PCDHGA10: variants seen among roughly 807,000 people sequenced by gnomAD.
The protein encoded by PCDHGA10 is protocadherin gamma-A10.
In PCDHGA10, 42 loss-of-function variants were observed where a neutral mutation model predicts 59.5. The ratio of observed to expected loss-of-function variants is 0.71; its 90% CI spans 0.55 to 0.91. PCDHGA10 has a LOEUF of 0.91. PCDHGA10 is among the 40% of genes least tolerant of loss of function. The pLI is 0.00. For missense variants in PCDHGA10, 1,111 were observed against 1,198.2 expected (o/e 0.93, Z 1.07); for synonymous variants, 511 against 517.2 (o/e 0.99, Z 0.16).
chr5:141,445,272 T>C (rs1057201147), intron 1 of PCDHGA10, among the ~76,000 whole-genome samples: 1 of 152,236 alleles, frequency 6.6e-6, no homozygotes, highest in Non-Finnish European at 1.5e-5. Flanking sequence ...TCGAAACCAC[T>C]CTGCATAAGT....
At chr5:141,474,398 C>A (rs1381347745) in intron 1 of PCDHGA10, among the ~76,000 whole-genome samples, 3 of 152,212 alleles carry the variant, frequency 2.0e-5, no homozygotes, top group Non-Finnish European at 4.4e-5. Context: ...TTCTAACAAG[C>A]TCCCCGGTGA....
chr5:141,433,508 A>G (rs2097615565), intron 1 of PCDHGA10, among the ~76,000 whole-genome samples: 1 of 152,068 alleles, frequency 6.6e-6, no homozygotes, highest in Non-Finnish European at 1.5e-5. Context: ...TGCTGGGATT[A>G]CAGGCGTGAA....
In PCDHGA10 at chr5:141,491,357, T is replaced by C; in HGVS notation, c.2437-3450T>C. 6.2e-7 allele frequency: 1 copy of C among 1,614,144 alleles called. No homozygotes were observed. Among genetic ancestry groups the C allele is most frequent in the South Asian group, 1.1e-5 (1 of 91,080 alleles). On this transcript the variant is annotated intron_variant, in intron 1 of 3. Transcript: ENST00000398610. This position sits in a 1 kb window ranked among gnomAD's most constrained non-coding sequence, Gnocchi z 6.9. ...CTAGCGACCGTCAGTCTCTTATCCCTAGTCACCTTCACCTTTCTGTCAGCG... is the reference window on the plus strand; with the variant it reads ...CTAGCGACCGTCAGTCTCTTATCCCCAGTCACCTTCACCTTTCTGTCAGCG...
At chr5:141,462,020 T>G (rs1371390043) in intron 1 of PCDHGA10, among the ~76,000 whole-genome samples, 6 of 152,110 alleles carry the variant, frequency 3.9e-5, no homozygotes, top group Non-Finnish European at 8.8e-5. Flanking sequence ...ACGGGGTTTC[T>G]TCATGTTGGT....
At chr5:141,425,606 G>A (rs1419859039) in intron 1 of PCDHGA10, among the ~76,000 whole-genome samples, 1 of 152,156 alleles carries the variant, frequency 6.6e-6, no homozygotes, top group Non-Finnish European at 1.5e-5. Context: ...GCCCTATATA[G>A]CTTTCAGTGC....
chr5:141,414,965 C>T lies in PCDHGA10; in HGVS notation c.1790C>T (p.Ala597Val), dbSNP rs564450666. Residue 597 changes from alanine (A) to valine (V), a missense_variant, in exon 1 of 4, where the codon GCG becomes GTG. Coordinates refer to ENST00000398610, the MANE Select transcript of PCDHGA10 (RefSeq NM_018913.3). ...EPGYLVTKVV[A>V]VDRDSGQNAW... is the part of the protein sequence containing the mutation. ...GGCTACCTGGTGACCAAGGTGGTGG[C>T]GGTGGACAGAGACTCCGGCCAGAAC... The T allele has an allele frequency of 7.9e-5, 127 of 1,613,962 alleles. No homozygotes were observed. The highest frequency in any genetic ancestry group is 7.7e-5 in the Non-Finnish European group (91 of 1,180,046).
Position 141,477,827 on chromosome 5 carries a change from C to T in PCDHGA10, c.2437-16980C>T, listed in dbSNP as rs2099419143. On this transcript the variant is annotated intron_variant, in intron 1 of 3. Coordinates refer to ENST00000398610, the MANE Select transcript of PCDHGA10 (RefSeq NM_018913.3). The surrounding 1 kb of genome is among the most constrained non-coding windows in gnomAD (Gnocchi z 4.9). ...CAATGCCCCCCAGGTCCTATATCCT[C>T]GGCCAGGTGGGAGCTCGGTGGAGAT... The T allele has an allele frequency of 1.2e-6, 2 of 1,614,038 alleles. No individual in the cohort carries two copies. Among genetic ancestry groups the T allele is most frequent in the African/African-American group, 1.3e-5 (1 of 74,928 alleles).
Position 141,489,427 on chromosome 5 carries a change from C to A in PCDHGA10, c.2437-5380C>A. ...AAAGATGACAGATCTGTTGAGCCGG[C>A]GGCTGCAATTGGGCTCTGAGGAGAA... On this transcript the variant is annotated intron_variant, in intron 1 of 3. Coordinates refer to ENST00000398610, the MANE Select transcript of PCDHGA10 (RefSeq NM_018913.3). This position sits in a 1 kb window ranked among gnomAD's most constrained non-coding sequence, Gnocchi z 4.5. The A allele has an allele frequency of 6.2e-7, 1 of 1,614,108 alleles. No individual in the cohort carries two copies. The highest frequency in any genetic ancestry group is 1.1e-5 in the South Asian group (1 of 91,086).
Position 141,491,676 on chromosome 5 carries a change from T to C in PCDHGA10, c.2437-3131T>C. On this transcript the variant is annotated intron_variant, in intron 1 of 3. Coordinates refer to ENST00000398610, the MANE Select transcript of PCDHGA10 (RefSeq NM_018913.3). The surrounding 1 kb of genome is among the most constrained non-coding windows in gnomAD (Gnocchi z 6.9). ...AGCCTGACGCCATCCGGTCCCGCTC[T>C]AATACGCTGCGGGAGCGGAGCCAGG... 3.1e-6 allele frequency: 5 copies of C among 1,613,546 alleles called. No individual in the cohort carries two copies. Among genetic ancestry groups the C allele is most frequent in the Non-Finnish European group, 4.2e-6 (5 of 1,179,848 alleles).
At chr5:141,418,147 C>A (rs781655205) in intron 1 of PCDHGA10, 3 of 1,614,040 alleles carry the variant, frequency 1.9e-6, no homozygotes, top group Non-Finnish European at 2.5e-6. Flanking sequence ...AGCAAATATG[C>A]AAAGAGAGAA....
At chr5:141,423,852 G>T (rs796757517) in intron 1 of PCDHGA10, 36 of 1,279,400 alleles carry the variant, frequency 2.8e-5, no homozygotes, top group Non-Finnish European at 3.5e-5. Context: ...CTTTCAGAAC[G>T]TTTTTGTGAA....
intron 2 of PCDHGA10, among the ~76,000 whole-genome samples, chr5:141,498,338 G>T (rs2237079): frequency 2.6e-5 from 4 of 151,600 alleles, no homozygotes; most frequent in Non-Finnish European, 5.9e-5. Flanking sequence ...CATTCCAAAT[G>T]GGAAAAGCCT....
intron 1 of PCDHGA10, among the ~76,000 whole-genome samples, chr5:141,494,529 G>C (rs952931724): frequency 1.3e-5 from 2 of 152,132 alleles, no homozygotes; most frequent in African/African-American, 4.8e-5. Flanking sequence ...TCTGACTCTG[G>C]GGGCAGGGAG....
chr5:141,466,947 A>C (rs2099132734), intron 1 of PCDHGA10, among the ~76,000 whole-genome samples: 1 of 152,126 alleles, frequency 6.6e-6, no homozygotes, highest in South Asian at 2.1e-4. Context: ...TGTCCAGTAA[A>C]CAGACTGCAA....
chr5:141,416,791 G>C (rs1389798483), intron 1 of PCDHGA10: 1 of 152,166 alleles, frequency 6.6e-6, no homozygotes, highest in Non-Finnish European at 1.5e-5. Flanking sequence ...TCTACTAAAT[G>C]TGGTAGTATA....
At chr5:141,501,628 C>T (rs1217355708) in intron 2 of PCDHGA10, among the ~76,000 whole-genome samples, 1 of 152,112 alleles carries the variant, frequency 6.6e-6, no homozygotes, top group Non-Finnish European at 1.5e-5. Flanking sequence ...TATAGTCTCT[C>T]AACCTCTCTG....
chr5:141,449,471 G>A (rs1261821886), intron 1 of PCDHGA10, among the ~76,000 whole-genome samples: 1 of 151,060 alleles, frequency 6.6e-6, no homozygotes, highest in African/African-American at 2.4e-5. Flanking sequence ...GCCAGGCCTG[G>A]TACCCCATGC....
chr5:141,414,934 G>A lies in PCDHGA10; in HGVS notation c.1759G>A (p.Glu587Lys), dbSNP rs1473788181. The A allele has an allele frequency of 6.2e-7, 1 of 1,614,146 alleles. No individual in the cohort carries two copies. The highest frequency in any genetic ancestry group is 1.1e-5 in the South Asian group (1 of 91,080). Reference protein sequence around the residue: ...TGVELAPRSAEPGYLVTKVVA... With the variant: ...TGVELAPRSAKPGYLVTKVVA... ...CGTGGAGCTGGCGCCCCGCTCCGCA[G>A]AGCCCGGCTACCTGGTGACCAAGGT... Residue 587 changes from glutamate (E) to lysine (K), a missense_variant, in exon 1 of 4, where the codon GAG (glutamate) becomes AAG (lysine). Coordinates refer to ENST00000398610, the MANE Select transcript of PCDHGA10 (RefSeq NM_018913.3).
Position 141,489,866 on chromosome 5 carries a change from A to AGCTGGT in PCDHGA10, c.2437-4937_2437-4932dup. ...GATCGTGAAGCCCAGGCAAGACATC[A>AGCTGGT]GCTGGTGCTTACTGCTGTGGATGGG... On this transcript the variant is annotated intron_variant, in intron 1 of 3. Coordinates refer to ENST00000398610, the MANE Select transcript of PCDHGA10 (RefSeq NM_018913.3). The surrounding 1 kb of genome is among the most constrained non-coding windows in gnomAD (Gnocchi z 4.5). The AGCTGGT allele has an allele frequency of 1.2e-6, 2 of 1,614,220 alleles. No individual in the cohort carries two copies. The highest frequency in any genetic ancestry group is 1.7e-6 in the Non-Finnish European group (2 of 1,180,018).
Sources: gnomAD v4.1 joint callset for allele counts (sites outside exome capture counted in the v4.1 genomes callset) on GRCh38, gnomAD v4.1.1 for gene constraint, Gnocchi (gnomAD v3.1) non-coding constraint, MANE v1.5 for transcripts, NCBI Gene and HGNC (gene_info 2026-07-23, HGNC 2026-07-21) for gene names.